ARMC9: variants seen among roughly 807,000 people sequenced by gnomAD.
ARMC9 encodes lisH domain-containing protein ARMC9.
ARMC9 carries 94 observed loss-of-function variants against 107.0 expected under a neutral mutation model. That is an observed-to-expected ratio of 0.88 (90% CI 0.74 to 1.04). The LOEUF (loss-of-function observed/expected upper bound fraction) is 1.04, where lower values mean the gene tolerates loss of function less well. Among genes scored for constraint, ARMC9 ranks in the 50% least tolerant of loss-of-function variants. ARMC9 has a pLI of 0.00. For synonymous variants in ARMC9, 380 were observed against 396.9 expected, an observed-to-expected ratio of 0.96 and a Z score of 0.51; for missense variants, 942 against 1,030.1, an observed-to-expected ratio of 0.91 and a Z score of 1.17.
intron 19 of ARMC9, among the ~76,000 whole-genome samples, chr2:231,315,580 T>C (rs186530849): frequency 6.6e-6 from 1 of 152,310 alleles, no homozygotes; most frequent in African/African-American, 2.4e-5. Context: ...ATGTAAGAAT[T>C]TATTTCTGGA....
chr2:231,227,789 G>A (rs1300552693), intron 7 of ARMC9, among the ~76,000 whole-genome samples: 1 of 152,190 alleles, frequency 6.6e-6, no homozygotes, highest in Admixed American at 6.5e-5. Context: ...AGAAGGCTTC[G>A]GATGCTTGGT....
Position 231,226,066 on chromosome 2 carries a change from A to G in ARMC9, c.598-708A>G, listed in dbSNP as rs188345687. 2.7e-3 allele frequency among the ~76,000 whole-genome samples: 406 copies of G among 152,340 alleles called. 3 individuals are homozygous for G. Among genetic ancestry groups the G allele is most frequent in the African/African-American group, 9.3e-3 (387 of 41,580 alleles). On this transcript the variant is annotated intron_variant, in intron 6 of 24. Transcript: ENST00000611582. ...GAGACAGGGTTTTGCCATGTTGGCC[A>G]GGCTGGTCTCAAACTCCTGATCTCA...
chr2:231,303,926 A>G (rs373632075), intron 19 of ARMC9, among the ~76,000 whole-genome samples: 2 of 148,082 alleles, frequency 1.4e-5, no homozygotes, highest in East Asian at 4.1e-4. Flanking sequence ...ACAGAGCGAG[A>G]CTCAGTCTCA....
chr2:231,269,616 C>T (rs1287736845), intron 12 of ARMC9, among the ~76,000 whole-genome samples: 1 of 151,894 alleles, frequency 6.6e-6, no homozygotes, highest in African/African-American at 2.4e-5. Flanking sequence ...AACCCCTGAC[C>T]TCTCTGCCCA....
chr2:231,291,455 G>A lies in ARMC9; in HGVS notation c.1717+12G>A, dbSNP rs1384341802. The A allele has an allele frequency of 2.5e-6, 4 of 1,607,808 alleles. No homozygotes were observed. Among genetic ancestry groups the A allele is most frequent in the Non-Finnish European group, 2.6e-6 (3 of 1,175,522 alleles). On this transcript the variant is annotated intron_variant, in intron 18 of 24. Transcript: ENST00000611582. ...GCAGCTAAATTCCGGTCAGTTTGAT[G>A]CAAGAATCTTTGATCTATCTTTTGA...
At position 231,375,559 on chromosome 2, in the gene ARMC9, G is replaced by T. The variant is rs999555987; in HGVS notation, c.*4024G>T. Among the ~76,000 whole-genome samples the T allele has an allele frequency of 6.6e-6, 1 of 152,326 alleles. No individual in the cohort carries two copies. On this transcript the variant is annotated 3_prime_UTR_variant, in exon 25 of 25. Transcript: ENST00000611582. This position sits in a 1 kb window ranked among gnomAD's most constrained non-coding sequence, Gnocchi z 4.3. ...CAATTGAACAAATATATTCTTTGGG[G>T]CTGCAGTGTGTCAGATGTGGAGACA...
intron 23 of ARMC9, among the ~76,000 whole-genome samples, 187 bp downstream of exon 23, chr2:231,361,070 G>A (rs543583797): frequency 5.2e-4 from 79 of 152,366 alleles, no homozygotes; most frequent in Non-Finnish European, 4.0e-4. Context: ...CCACCTCGGA[G>A]GGCTGTGCTG....
At chr2:231,231,465 C>T (rs2035208667) in intron 7 of ARMC9, among the ~76,000 whole-genome samples, 1 of 152,138 alleles carries the variant, frequency 6.6e-6, no homozygotes. Flanking sequence ...CTCACTGCAA[C>T]CTCTGCCTCC....
intron 3 of ARMC9, among the ~76,000 whole-genome samples, chr2:231,212,517 A>T (rs542402263): frequency 6.6e-6 from 1 of 151,812 alleles, no homozygotes; most frequent in South Asian, 2.1e-4. Context: ...ACGTTTCACA[A>T]GAGTCTGCGC....
chr2:231,342,052 T>C (rs1166069208), intron 20 of ARMC9, among the ~76,000 whole-genome samples: 1 of 152,212 alleles, frequency 6.6e-6, no homozygotes, highest in Non-Finnish European at 1.5e-5. Flanking sequence ...TTGGACAAGA[T>C]ACCCTCTAAG....
At position 231,375,140 on chromosome 2, in the gene ARMC9, C is replaced by T. The variant is rs1255361953; in HGVS notation, c.*3605C>T. On this transcript the variant is annotated 3_prime_UTR_variant, in exon 25 of 25. Transcript: ENST00000611582. This position sits in a 1 kb window ranked among gnomAD's most constrained non-coding sequence, Gnocchi z 4.3. The stretch of plus-strand genomic sequence containing the variant: ...TTGGATCAGTGATGGGGGCTGGGCA[C>T]GGACAGGCGATTCTTCTGCTGGGCT... 6.6e-6 allele frequency among the ~76,000 whole-genome samples: 1 copy of T among 152,196 alleles called. No homozygotes were observed. The highest frequency in any genetic ancestry group is 1.5e-5 in the Non-Finnish European group (1 of 68,042).
chr2:231,363,541 A>G (rs902340638), intron 23 of ARMC9, among the ~76,000 whole-genome samples: 1 of 151,866 alleles, frequency 6.6e-6, no homozygotes, highest in Non-Finnish European at 1.5e-5. Context: ...TGTGCCAGTG[A>G]CTTCCAGCAA....
At chr2:231,252,048 A>C (rs1029888683) in intron 9 of ARMC9, among the ~76,000 whole-genome samples, 2 of 152,184 alleles carry the variant, frequency 1.3e-5, no homozygotes, top group African/African-American at 4.8e-5. Flanking sequence ...GGCTGTACTC[A>C]TGAAAGGGCC....
rs1319585321 is a variant in ARMC9 at position 231,369,941 on chromosome 2, G to A, written c.2262-12G>A. On this transcript the variant is annotated splice_polypyrimidine_tract_variant and intron_variant, in intron 23 of 24. Coordinates refer to ENST00000611582, the MANE Select transcript of ARMC9 (RefSeq NM_001352754.2). ...TAGTAGCTGGGACTCCAGGTTGCAC[G>A]TTTTGTTCTAGGGAATGTGCATCAG... The A allele has an allele frequency of 8.8e-6, 13 of 1,475,148 alleles. No individual in the cohort carries two copies. Among genetic ancestry groups the A allele is most frequent in the African/African-American group, 8.4e-5 (6 of 71,348 alleles). The allele number at this position is 1,475,148 out of a possible 1,614,324, so 91.4% of individuals were successfully genotyped here. A position where few individuals can be genotyped will look rare whatever the true frequency, so the allele number is the denominator to read the frequency against.
rs774888342 is a variant in ARMC9 at position 231,276,774 on chromosome 2, A to C, written c.1473A>C (p.Thr491=). 2.5e-6 allele frequency: 4 copies of C among 1,613,884 alleles called. No homozygotes were observed. The highest frequency in any genetic ancestry group is 3.4e-6 in the Non-Finnish European group (4 of 1,179,992). Residue 491 remains threonine, a splice_region_variant and synonymous_variant, in exon 15 of 25, where the codon ACA becomes ACC. Transcript: ENST00000611582. ...TCATGAACCTCTGCCTCCGCAGCAC[A>C]GGTCTCAGCCCCGACCCTCATTCTA... ...ALLMNLCLRS[T]GKNMCAKVAG...
At chr2:231,302,106 A>G (rs1387049741) in intron 19 of ARMC9, among the ~76,000 whole-genome samples, 3 of 152,054 alleles carry the variant, frequency 2.0e-5, no homozygotes, top group African/African-American at 4.8e-5. Flanking sequence ...TAATTTTTTC[A>G]TCTAAGTTGT....
chr2:231,212,399 G>A (rs2032994524), intron 3 of ARMC9, among the ~76,000 whole-genome samples: 1 of 152,240 alleles, frequency 6.6e-6, no homozygotes, highest in Non-Finnish European at 1.5e-5. Context: ...GCAAAGGTTT[G>A]TGGTTTCAGG....
At chr2:231,217,852 C>T (rs1449923029) in intron 5 of ARMC9, among the ~76,000 whole-genome samples, 1 of 152,072 alleles carries the variant, frequency 6.6e-6, no homozygotes, top group Non-Finnish European at 1.5e-5. Context: ...ACCAGCACAC[C>T]TGGCTAATTG....
At position 231,226,425 on chromosome 2, in the gene ARMC9, T is replaced by C. The variant is rs1359806890; in HGVS notation, c.598-349T>C. On this transcript the variant is annotated intron_variant, in intron 6 of 24. Transcript: ENST00000611582. The stretch of plus-strand genomic sequence containing the variant: ...TTGAATTGAAGTTAGAGTTGAATTA[T>C]GTATAAAATCAGATTTGCATTTTTA... Among the ~76,000 whole-genome samples the C allele has an allele frequency of 2.6e-5, 4 of 152,220 alleles. No individual in the cohort carries two copies. The East Asian group carries it at 7.7e-4, about 29-fold the overall frequency.
Sources: gnomAD v4.1 joint callset for allele counts (sites outside exome capture counted in the v4.1 genomes callset) on GRCh38, gnomAD v4.1.1 for gene constraint, Gnocchi (gnomAD v3.1) non-coding constraint, MANE v1.5 for transcripts, NCBI Gene and HGNC (gene_info 2026-07-23, HGNC 2026-07-21) for gene names.